ADAMTS12: variants seen among roughly 807,000 people sequenced by gnomAD.
The protein encoded by ADAMTS12 is A disintegrin and metalloproteinase with thrombospondin motifs 12.
Under a neutral mutation model 167.8 loss-of-function variants are expected in ADAMTS12, and 118 were observed. That is an observed-to-expected ratio of 0.70 (90% CI 0.61 to 0.82). The LOEUF is 0.82. Among genes scored for constraint, ADAMTS12 ranks in the 40% least tolerant of loss-of-function variants. ADAMTS12 has a pLI of 0.00. For synonymous variants in ADAMTS12, 704 were observed against 716.9 expected (o/e 0.98, Z 0.29); for missense variants, 1,916 against 1,998.8 (o/e 0.96, Z 0.79).
intron 20 of ADAMTS12, among the ~76,000 whole-genome samples, chr5:33,557,138 G>A (rs1207813101): frequency 1.3e-5 from 2 of 152,206 alleles, no homozygotes; most frequent in African/African-American, 4.8e-5. Context: ...TTCCTGGTGA[G>A]TAACCTGGAT....
intron 18 of ADAMTS12, among the ~76,000 whole-genome samples, chr5:33,580,622 G>C (rs1747016425): frequency 6.6e-6 from 1 of 152,174 alleles, no homozygotes; most frequent in Non-Finnish European, 1.5e-5. Flanking sequence ...TTGAAGAGGA[G>C]TTCCAAAGTA....
Position 33,527,124 on chromosome 5 carries a change from G to A in ADAMTS12, c.*64C>T. On this transcript the variant is annotated 3_prime_UTR_variant, in exon 24 of 24. Coordinates refer to ENST00000504830, the MANE Select transcript of ADAMTS12 (RefSeq NM_030955.4). Reference sequence around the variant, plus strand: ...CAAAACCTCAACGAAGCAGCTCCCAGGGCTAAAGCATGTCATGGTCAGCAG... The same window carrying A: ...CAAAACCTCAACGAAGCAGCTCCCAAGGCTAAAGCATGTCATGGTCAGCAG... 6.3e-7 allele frequency: 1 copy of A among 1,585,634 alleles called. No homozygotes were observed. Among genetic ancestry groups the A allele is most frequent in the Non-Finnish European group, 8.6e-7 (1 of 1,159,810 alleles).
chr5:33,576,184 G>T lies in ADAMTS12; in HGVS notation c.3842C>A (p.Ser1281Tyr), dbSNP rs753323743. The T allele has an allele frequency of 9.3e-6, 15 of 1,614,212 alleles. No homozygotes were observed. In the South Asian group the frequency reaches 1.3e-4, roughly 14 times the overall value. ...ATCCTCCTCAGTCAGGACTGGTTCA[G>T]AACTTTTTGTTTGGTTCATGTTGTT... ...LPNNMNQTKS[S>Y]EPVLTEEDAT... Residue 1281 changes from serine (S) to tyrosine (Y), a missense_variant, in exon 19 of 24, where the codon TCT (serine) becomes TAT (tyrosine). Transcript: ENST00000504830.
chr5:33,655,624 T>A (rs114032037), intron 7 of ADAMTS12, among the ~76,000 whole-genome samples: 72,907 of 137,998 alleles, frequency 0.53, 19,842 homozygotes, highest in East Asian at 0.67. Context: ...TTTTTAGTTT[T>A]ATTTATTTAA....
intron 5 of ADAMTS12, among the ~76,000 whole-genome samples, chr5:33,677,331 C>T (rs1336266304): frequency 6.6e-6 from 1 of 152,146 alleles, no homozygotes; most frequent in Non-Finnish European, 1.5e-5. Context: ...ACATTTGATT[C>T]TCATGACAAT....
At chr5:33,751,657 A>G (rs1579905305) in intron 2 of ADAMTS12, 109 bp from the exon 3 acceptor site, 3 of 1,050,162 alleles carry the variant, frequency 2.9e-6, no homozygotes, top group East Asian at 4.9e-5. Flanking sequence ...TCCTAAGACC[A>G]GTGCTTTCAG....
intron 18 of ADAMTS12, among the ~76,000 whole-genome samples, chr5:33,582,144 C>G (rs1747096116): frequency 6.6e-6 from 1 of 152,122 alleles, no homozygotes; most frequent in East Asian, 1.9e-4. Context: ...AAAAAAAAAT[C>G]AGACCTAGAT....
intron 2 of ADAMTS12, among the ~76,000 whole-genome samples, chr5:33,796,433 T>C (rs982419432): frequency 1.3e-5 from 2 of 152,264 alleles, no homozygotes; most frequent in African/African-American, 4.8e-5. Context: ...TATTTCTTCA[T>C]ACATTTCATT....
intron 3 of ADAMTS12, among the ~76,000 whole-genome samples, chr5:33,746,009 T>C (rs935223435): frequency 6.6e-6 from 1 of 152,130 alleles, no homozygotes; most frequent in African/African-American, 2.4e-5. Flanking sequence ...ATAACATATA[T>C]GCACATGCCA....
intron 3 of ADAMTS12, among the ~76,000 whole-genome samples, chr5:33,693,534 T>C (rs1166184967): frequency 6.6e-6 from 1 of 152,214 alleles, no homozygotes; most frequent in East Asian, 1.9e-4. Flanking sequence ...CATTCAGCTT[T>C]TGAAATGTTC....
chr5:33,656,828 A>G (rs1175115196), intron 7 of ADAMTS12, among the ~76,000 whole-genome samples: 1 of 152,156 alleles, frequency 6.6e-6, no homozygotes. Context: ...TTTATTATCG[A>G]CATGCCAACA....
At chr5:33,877,275 C>T (rs78186281) in intron 2 of ADAMTS12, among the ~76,000 whole-genome samples, 3,233 of 152,312 alleles carry the variant, frequency 0.021, 69 homozygotes, top group Middle Eastern at 0.11. Flanking sequence ...GACCCAGGTA[C>T]ACAGTCCAGA....
intron 2 of ADAMTS12, among the ~76,000 whole-genome samples, chr5:33,877,696 C>T (rs2111761373): frequency 6.6e-6 from 1 of 152,298 alleles, no homozygotes; most frequent in East Asian, 1.9e-4. Flanking sequence ...AGTCTGGGAG[C>T]AGCCTCAAAG....
chr5:33,712,050 T>C (rs1743421107), intron 3 of ADAMTS12, among the ~76,000 whole-genome samples: 1 of 152,170 alleles, frequency 6.6e-6, no homozygotes, highest in Non-Finnish European at 1.5e-5. Flanking sequence ...TTGTATAACT[T>C]ACTTGGCTTT....
Position 33,588,701 on chromosome 5 carries a change from G to C in ADAMTS12, c.2763C>G (p.Leu921=), listed in dbSNP as rs1352418327. Residue 921 remains leucine, a synonymous_variant, in exon 18 of 24, where the codon CTC becomes CTG. Transcript: ENST00000504830. The part of the protein sequence containing the change: ...IQTMVSDEQA[L]PPTDCQHLLK... Reference sequence around the variant, plus strand: ...GCAGGTGCTGGCAGTCTGTGGGCGGGAGAGCCTGCTCGTCAGAGACCATGG... The same window carrying C: ...GCAGGTGCTGGCAGTCTGTGGGCGGCAGAGCCTGCTCGTCAGAGACCATGG... 1 of 1,614,092 alleles carries C rather than the reference G, an allele frequency of 6.2e-7. No homozygotes were observed. The highest frequency in any genetic ancestry group is 8.5e-7 in the Non-Finnish European group (1 of 1,180,018).
At position 33,594,152 on chromosome 5, in the gene ADAMTS12, C is replaced by T. The variant is rs1232453077; in HGVS notation, c.2654+1782G>A. The stretch of plus-strand genomic sequence containing the variant: ...ATAATTGAATCACGGGGGCGGATTG[C>T]CCCATACTGTTCTCATGCTAGTGAA... On this transcript the variant is annotated intron_variant, in intron 17 of 23. Coordinates refer to ENST00000504830, the MANE Select transcript of ADAMTS12 (RefSeq NM_030955.4). Among the ~76,000 whole-genome samples the T allele has an allele frequency of 3.3e-5, 5 of 152,248 alleles. No individual in the cohort carries two copies. In the South Asian group the frequency reaches 6.2e-4, roughly 19 times the overall value.
chr5:33,580,448 T>C (rs1302148614), intron 18 of ADAMTS12, among the ~76,000 whole-genome samples: 1 of 94,522 alleles, frequency 1.1e-5, no homozygotes, highest in East Asian at 2.7e-4. Flanking sequence ...CATGATCTAA[T>C]CATTCCCCAT....
At chr5:33,571,060 T>C (rs1254702126) in intron 19 of ADAMTS12, among the ~76,000 whole-genome samples, 5 of 152,088 alleles carry the variant, frequency 3.3e-5, no homozygotes, top group African/African-American at 9.7e-5. Context: ...CCGAAATATA[T>C]ATGCACCCAA....
chr5:33,592,248 AAAC>A (rs1160283299), intron 17 of ADAMTS12, among the ~76,000 whole-genome samples: 3 of 149,302 alleles, frequency 2.0e-5, no homozygotes, highest in Non-Finnish European at 4.4e-5. Flanking sequence ...CAAACAAAAA[AAAC>A]AAAAAACAAA....
Sources: gnomAD v4.1 joint callset for allele counts (sites outside exome capture counted in the v4.1 genomes callset) on GRCh38, gnomAD v4.1.1 for gene constraint, MANE v1.5 for transcripts, NCBI Gene and HGNC (gene_info 2026-07-23, HGNC 2026-07-21) for gene names.